Variants in ARHGAP26 observed in about 807,000 individuals in gnomAD.
ARHGAP26 encodes the protein Rho GTPase activating protein 26.
A neutral mutation model predicts 104.8 loss-of-function variants in ARHGAP26; 38 were observed. That is an observed-to-expected ratio of 0.36 (90% confidence interval 0.28 to 0.48). The LOEUF (loss-of-function observed/expected upper bound fraction) is 0.48. Among genes scored for constraint, ARHGAP26 ranks in the 20% least tolerant of loss-of-function variants. The probability of loss-of-function intolerance (pLI) is 0.99; values close to 1 mark genes in which losing one functional copy is unlikely to be tolerated. For synonymous variants in ARHGAP26, 341 were observed against 340.0 expected (o/e 1.00, Z -0.03); for missense variants, 704 against 947.9 (o/e 0.74, Z 3.38).
chr5:143,116,850 G>T (rs1042331010), intron 17 of ARHGAP26, among the ~76,000 whole-genome samples: 2 of 152,080 alleles, frequency 1.3e-5, no homozygotes, highest in African/African-American at 4.8e-5. Flanking sequence ...TGAAACATGG[G>T]GTACCTATAC....
intron 20 of ARHGAP26, among the ~76,000 whole-genome samples, chr5:143,160,942 C>T (rs922148174): frequency 5.9e-5 from 9 of 151,668 alleles, no homozygotes; most frequent in Admixed American, 2.6e-4. Context: ...ATGGAGTTAA[C>T]TGAGCTCTCG....
intron 17 of ARHGAP26, among the ~76,000 whole-genome samples, chr5:143,109,950 T>G (rs576754266): frequency 5.9e-5 from 9 of 152,352 alleles, no homozygotes; most frequent in Non-Finnish European, 1.0e-4. Flanking sequence ...AAGTCCATTA[T>G]GTCTCTGACT....
intron 20 of ARHGAP26, among the ~76,000 whole-genome samples, chr5:143,169,148 A>T (rs147017334): frequency 6.6e-6 from 1 of 152,310 alleles, no homozygotes; most frequent in East Asian, 1.9e-4. Flanking sequence ...TCTTCCTCAC[A>T]TGTTTCTGAA....
Position 143,225,492 on chromosome 5 carries a change from T to G in ARHGAP26, c.*3046T>G. On this transcript the variant is annotated 3_prime_UTR_variant, in exon 23 of 23. Coordinates refer to ENST00000645722, the MANE Select transcript of ARHGAP26 (RefSeq NM_001135608.3). ...GTGTGAGCCGCTGCGGCCGACCACA[T>G]TTGATGTTTGAAGTTGTAATCTGTC... 4.9e-6 allele frequency: 1 copy of G among 203,222 alleles called. No individual in the cohort carries two copies. Among genetic ancestry groups the G allele is most frequent in the Non-Finnish European group, 1.0e-5 (1 of 99,032 alleles). The allele number at this position is 203,222 out of a possible 1,614,324, so 12.6% of individuals were successfully genotyped here.
At chr5:142,784,076 A>G (rs895387959) in intron 1 of ARHGAP26, among the ~76,000 whole-genome samples, 3 of 152,154 alleles carry the variant, frequency 2.0e-5, no homozygotes, top group Admixed American at 6.5e-5. Context: ...ACTTGCCACA[A>G]TCTGCCGGCC....
intron 17 of ARHGAP26, among the ~76,000 whole-genome samples, chr5:143,065,922 G>T (rs886220347): frequency 1.3e-5 from 2 of 152,216 alleles, no homozygotes; most frequent in Non-Finnish European, 2.9e-5. Flanking sequence ...GGTCTCAAGA[G>T]ATTGAGCAAT....
At chr5:143,212,947 C>T (rs1234441435) in intron 21 of ARHGAP26, among the ~76,000 whole-genome samples, 1 of 152,178 alleles carries the variant, frequency 6.6e-6, no homozygotes, top group Non-Finnish European at 1.5e-5. Context: ...AGATTGAGAC[C>T]ATCCTGGCTA....
intron 1 of ARHGAP26, among the ~76,000 whole-genome samples, chr5:142,805,386 C>G (rs1043500085): frequency 1.3e-5 from 2 of 152,110 alleles, no homozygotes; most frequent in South Asian, 4.1e-4. Context: ...ACAGGTGTGA[C>G]CCACCACGCC....
chr5:143,128,440 A>G (rs530606720), intron 18 of ARHGAP26, among the ~76,000 whole-genome samples: 6 of 152,212 alleles, frequency 3.9e-5, no homozygotes, highest in Non-Finnish European at 8.8e-5. Flanking sequence ...TTTTAATACA[A>G]CTACCCAAAC....
chr5:143,213,460 C>T (rs995371873), intron 21 of ARHGAP26, among the ~76,000 whole-genome samples: 4 of 152,180 alleles, frequency 2.6e-5, no homozygotes, highest in Non-Finnish European at 5.9e-5. Context: ...AATCCTGTCT[C>T]ACCAGCAAGA....
At chr5:142,964,632 C>T (rs1384429042) in intron 11 of ARHGAP26, among the ~76,000 whole-genome samples, 1 of 151,880 alleles carries the variant, frequency 6.6e-6, no homozygotes, top group Non-Finnish European at 1.5e-5. Flanking sequence ...GGAGACATGC[C>T]AATATCAAGT....
At chr5:142,920,208 G>A (rs979701758) in intron 10 of ARHGAP26, among the ~76,000 whole-genome samples, 1 of 152,198 alleles carries the variant, frequency 6.6e-6, no homozygotes, top group African/African-American at 2.4e-5. Flanking sequence ...AATGGGACAT[G>A]ATTTCAAAGC....
At chr5:143,087,340 A>G (rs2150494421) in intron 17 of ARHGAP26, among the ~76,000 whole-genome samples, 1 of 152,346 alleles carries the variant, frequency 6.6e-6, no homozygotes, top group East Asian at 1.9e-4. Flanking sequence ...CCCTTCAGCA[A>G]CTATAAAAGG....
At chr5:143,114,876 G>A (rs1009454873) in intron 17 of ARHGAP26, among the ~76,000 whole-genome samples, 1 of 152,176 alleles carries the variant, frequency 6.6e-6, no homozygotes, top group South Asian at 2.1e-4. Context: ...ACTGTTCTTT[G>A]TAGGGTGGTG....
chr5:143,057,887 T>G (rs766117338), intron 17 of ARHGAP26, 140 bp downstream of exon 17: 3 of 790,312 alleles, frequency 3.8e-6, no homozygotes, highest in Non-Finnish European at 6.6e-6. Flanking sequence ...AAGAAATGTG[T>G]GAAATGTTCA....
rs889007751 is a variant in ARHGAP26, at chr5:143,226,441, C to G, written c.*3995C>G. 1 of 177,480 alleles carries G rather than the reference C, an allele frequency of 5.6e-6. No individual in the cohort carries two copies. Among genetic ancestry groups the G allele is most frequent in the East Asian group, 9.3e-5 (1 of 10,714 alleles). The allele number at this position is 177,480 out of a possible 1,614,324, so 11.0% of individuals were successfully genotyped here. A position where few individuals can be genotyped will look rare whatever the true frequency, so the allele number is the denominator to read the frequency against. On this transcript the variant is annotated 3_prime_UTR_variant, in exon 23 of 23. Transcript: ENST00000645722. ...GATTGCAGTGAGCCAAGATCACGCC[C>G]CTGCACTCCAGCCTGGGTGACAGAG... is the stretch of plus-strand genomic sequence containing the variant.
intron 1 of ARHGAP26, among the ~76,000 whole-genome samples, chr5:142,783,476 A>G (rs1757925482): frequency 6.6e-6 from 1 of 151,910 alleles, no homozygotes. Flanking sequence ...ATTATGTTTC[A>G]CATTTTTTTT....
intron 10 of ARHGAP26, 94 bp from the exon 11 acceptor site, chr5:142,931,953 A>T: frequency 8.6e-7 from 1 of 1,166,414 alleles, no homozygotes; most frequent in Non-Finnish European, 1.3e-6. Context: ...CTTAGCAGCC[A>T]CTGACTCTTT....
At chr5:142,944,743 A>G (rs943771945) in intron 11 of ARHGAP26, among the ~76,000 whole-genome samples, 1 of 152,246 alleles carries the variant, frequency 6.6e-6, no homozygotes, top group Non-Finnish European at 1.5e-5. Flanking sequence ...CACATGATTC[A>G]TGCCATGCAA....
Sources: allele counts gnomAD v4.1 joint callset (sites outside exome capture counted in the v4.1 genomes callset), GRCh38; gene constraint gnomAD v4.1.1; transcripts MANE v1.5; gene names NCBI Gene and HGNC (gene_info 2026-07-23, HGNC 2026-07-21).